Variants in PARD3 observed in about 807,000 individuals in gnomAD.
PARD3 encodes partitioning defective 3 homolog.
Under a neutral mutation model 155.4 loss-of-function variants are expected in PARD3, and 75 were observed. The observed-to-expected ratio is 0.48, with a 90% CI of 0.40 to 0.58. The LOEUF (loss-of-function observed/expected upper bound fraction) is 0.58. PARD3 is among the 20% of genes least tolerant of loss of function. PARD3 has a pLI of 0.00. For missense variants in PARD3, 1,642 were observed against 1,721.7 expected (o/e 0.95, Z 0.82); for synonymous variants, 576 against 610.5 (o/e 0.94, Z 0.83).
At chr10:34,309,618 G>C (rs1957597148) in intron 20 of PARD3, among the ~76,000 whole-genome samples, 1 of 141,642 alleles carries the variant, frequency 7.1e-6, no homozygotes, top group Admixed American at 7.2e-5. Flanking sequence ...TTAGAAGAGA[G>C]AAGAAATAAT....
chr10:34,750,399 T>C (rs1835848505), intron 1 of PARD3, among the ~76,000 whole-genome samples: 1 of 151,398 alleles, frequency 6.6e-6, no homozygotes, highest in Admixed American at 6.6e-5. Context: ...AGAAATTCCA[T>C]TTCTAGAAAG....
At chr10:34,389,240 A>T (rs1029614314) in intron 7 of PARD3, among the ~76,000 whole-genome samples, 6 of 34,526 alleles carry the variant, frequency 1.7e-4, no homozygotes, top group Non-Finnish European at 3.1e-4. Flanking sequence ...AATGTTTCTT[A>T]AAAAAAAAAA....
intron 2 of PARD3, among the ~76,000 whole-genome samples, chr10:34,676,938 T>C (rs1012877837): frequency 6.6e-6 from 1 of 152,226 alleles, no homozygotes; most frequent in African/African-American, 2.4e-5. Flanking sequence ...TTCTGCATAG[T>C]CTACACAGAA....
chr10:34,259,260 G>T (rs552544646), intron 22 of PARD3, among the ~76,000 whole-genome samples: 20 of 152,228 alleles, frequency 1.3e-4, no homozygotes, highest in Admixed American at 5.9e-4. Flanking sequence ...GTATTGCCTT[G>T]AGACAACACA....
intron 2 of PARD3, among the ~76,000 whole-genome samples, chr10:34,580,420 A>T (rs2087333348): frequency 6.6e-6 from 1 of 152,166 alleles, no homozygotes; most frequent in South Asian, 2.1e-4. Flanking sequence ...CTGTGGTCCC[A>T]GCTACTCGGG....
At chr10:34,802,284 G>GAAA (rs959575121) in intron 1 of PARD3, among the ~76,000 whole-genome samples, 9 of 134,498 alleles carry the variant, frequency 6.7e-5, no homozygotes, top group African/African-American at 2.5e-4. Context: ...AGCACTTTTA[G>GAAA]AAAAAAAAAA....
intron 20 of PARD3, among the ~76,000 whole-genome samples, chr10:34,311,292 G>C (rs1433402231): frequency 6.6e-6 from 1 of 152,018 alleles, no homozygotes; most frequent in African/African-American, 2.4e-5. Flanking sequence ...AATAGAGACA[G>C]GGCCTTACTG....
At chr10:34,393,717 C>T (rs1363388855) in intron 7 of PARD3, among the ~76,000 whole-genome samples, 1 of 151,980 alleles carries the variant, frequency 6.6e-6, no homozygotes, top group Non-Finnish European at 1.5e-5. Context: ...AAAGCAAGAC[C>T]CAGTTTCTAC....
intron 1 of PARD3, among the ~76,000 whole-genome samples, chr10:34,774,342 T>C (rs982777333): frequency 6.6e-6 from 1 of 152,172 alleles, no homozygotes; most frequent in Non-Finnish European, 1.5e-5. Flanking sequence ...AAGACAAAAT[T>C]ATCCTTGAAA....
intron 22 of PARD3, among the ~76,000 whole-genome samples, chr10:34,254,673 T>TC (rs1954561501): frequency 6.6e-6 from 1 of 151,938 alleles, no homozygotes; most frequent in Admixed American, 6.6e-5. Context: ...TGAGTCAGTC[T>TC]CCTTAGCATC....
chr10:34,613,386 T>C (rs552920725), intron 2 of PARD3, among the ~76,000 whole-genome samples: 2 of 152,292 alleles, frequency 1.3e-5, no homozygotes, highest in African/African-American at 4.8e-5. Flanking sequence ...CAAAACACTT[T>C]TATGGCTTGA....
chr10:34,111,686 C>T, intron 24 of PARD3, 124 bp from the exon 25 acceptor site: 1 of 785,742 alleles, frequency 1.3e-6, no homozygotes, highest in Non-Finnish European at 2.0e-6. Flanking sequence ...TCTCTCATCA[C>T]ATGCCAGACA....
At chr10:34,248,428 A>C (rs1272553896) in intron 22 of PARD3, among the ~76,000 whole-genome samples, 1 of 152,220 alleles carries the variant, frequency 6.6e-6, no homozygotes, top group East Asian at 1.9e-4. Context: ...TTTCAACCCC[A>C]ATAGCTTCTA....
Position 34,269,632 on chromosome 10 carries a change from T to C in PARD3, c.3419+25A>G, listed in dbSNP as rs540619339. On this transcript the variant is annotated intron_variant, in intron 22 of 24. Transcript: ENST00000374788. ...TGTATAAAAGCTGATTTGGAAGCAATACCACGATTGCCCCTGGCGCCTACC... is the reference window on the plus strand; with the variant it reads ...TGTATAAAAGCTGATTTGGAAGCAACACCACGATTGCCCCTGGCGCCTACC... 4.3e-6 allele frequency: 7 copies of C among 1,609,276 alleles called. No individual in the cohort carries two copies. The East Asian group carries it at 1.1e-4, about 26-fold the overall frequency.
intron 2 of PARD3, among the ~76,000 whole-genome samples, chr10:34,694,060 T>C (rs1041831760): frequency 9.2e-5 from 14 of 151,936 alleles, no homozygotes; most frequent in Non-Finnish European, 1.9e-4. Flanking sequence ...CCTTTGTATG[T>C]TTCTGCATTT....
rs189568034 is a variant in PARD3, at chr10:34,124,875, T to C, written c.3541-5135A>G. 6.6e-5 allele frequency among the ~76,000 whole-genome samples: 10 copies of C among 152,296 alleles called. No individual in the cohort carries two copies. In the East Asian group the frequency reaches 1.7e-3, roughly 26 times the overall value. On this transcript the variant is annotated intron_variant, in intron 23 of 24. Transcript: ENST00000374788. The stretch of plus-strand genomic sequence containing the variant: ...CCAGGCACTTTAGTATCTGGGCTAA[T>C]GGCAACCCAAGGTAGCTTCAGGAGT...
chr10:34,569,815 C>T (rs998631355), intron 2 of PARD3, among the ~76,000 whole-genome samples: 30 of 150,700 alleles, frequency 2.0e-4, no homozygotes, highest in African/African-American at 6.6e-4. Flanking sequence ...AGGAAAAAAA[C>T]GCTAAAGTCA....
chr10:34,352,973 G>A (rs1351193262), intron 14 of PARD3, among the ~76,000 whole-genome samples: 1 of 128,934 alleles, frequency 7.8e-6, no homozygotes, highest in Admixed American at 7.4e-5. Flanking sequence ...TCTGGGATGT[G>A]AGGAGTGTCT....
At position 34,382,659 on chromosome 10, in the gene PARD3, G is replaced by A. The variant is rs767134214; in HGVS notation, c.1280C>T (p.Pro427Leu). 6.8e-6 allele frequency: 11 copies of A among 1,614,138 alleles called. No homozygotes were observed. Among genetic ancestry groups the A allele is most frequent in the Non-Finnish European group, 5.9e-6 (7 of 1,180,030 alleles). The change falls in exon 9 of 25, where the codon CCC becomes CTC. Residue 427 changes from proline (P) to leucine (L), a missense_variant. By Grantham distance (98) the Pro-to-Leu change is moderately conservative. Coordinates refer to ENST00000374788, the MANE Select transcript of PARD3 (RefSeq NM_001184785.2). ...SHSRLPHSAH[P>L]SGKPPSAPAS... ...TGGAGCGGATGGTGGTTTTCCCGAG[G>A]GGTGTGCGCTATGAGGTAGTCTTGA... is the stretch of plus-strand genomic sequence containing the variant.
Sources: gnomAD v4.1 joint callset for allele counts (sites outside exome capture counted in the v4.1 genomes callset) on GRCh38, gnomAD v4.1.1 for gene constraint, MANE v1.5 for transcripts, NCBI Gene and HGNC (gene_info 2026-07-23, HGNC 2026-07-21) for gene names.